The following REV3L variants were observed in gnomAD, a reference collection of about 807,000 sequenced individuals.
The protein encoded by REV3L is REV3 like, DNA directed polymerase zeta catalytic subunit.
A neutral mutation model predicts 299.4 loss-of-function variants in REV3L; 69 were observed. The observed-to-expected ratio is 0.23, with a 90% CI of 0.19 to 0.28. The LOEUF is 0.28. Among genes scored for constraint, REV3L ranks in the 10% least tolerant of loss-of-function variants. The pLI, the probability that REV3L is intolerant of heterozygous loss-of-function variation, is 1.00. For missense variants in REV3L, 3,128 were observed against 3,693.8 expected, an observed-to-expected ratio of 0.85 and a Z score of 3.97; for synonymous variants, 1,238 against 1,271.4, an observed-to-expected ratio of 0.97 and a Z score of 0.56.
At chr6:111,379,667 C>A (rs193208115) in intron 11 of REV3L, among the ~76,000 whole-genome samples, 1 of 152,182 alleles carries the variant, frequency 6.6e-6, no homozygotes, top group Non-Finnish European at 1.5e-5. Context: ...TATCACAGGG[C>A]ATTCTTTTTC....
At chr6:111,470,166 A>C (rs1478716844) in intron 1 of REV3L, among the ~76,000 whole-genome samples, 1 of 146,070 alleles carries the variant, frequency 6.8e-6, no homozygotes, top group Non-Finnish European at 1.5e-5. Context: ...ACCAGGGTTT[A>C]CTATCTCTCA....
In REV3L at chr6:111,375,685, G is replaced by C; in HGVS notation, c.2670C>G (p.Pro890=). The part of the protein sequence containing the change: ...TTRGAFENKT[P]TDGFIDCHFG... ...AGTGACAGTCTATAAAACCATCTGT[G>C]GGTGTTTTATTTTCAAAAGCTCCAC... The change falls in exon 13 of 32, where the codon CCC becomes CCG. Residue 890 remains proline (P), a synonymous_variant. Coordinates refer to ENST00000368802, the MANE Select transcript of REV3L (RefSeq NM_001372078.1). 1 of 1,613,884 alleles carries C rather than the reference G, an allele frequency of 6.2e-7. No individual in the cohort carries two copies. The highest frequency in any genetic ancestry group is 1.3e-5 in the African/African-American group (1 of 75,020).
In REV3L at chr6:111,299,070, CATT is replaced by C. The variant is rs1452197539; in HGVS notation, c.*943_*945del. 1 of 152,154 alleles carries C rather than the reference CATT, an allele frequency of 6.6e-6. No individual in the cohort carries two copies. The highest frequency in any genetic ancestry group is 1.5e-5 in the Non-Finnish European group (1 of 67,934). The allele number at this position is 152,154 out of a possible 1,614,324, so 9.4% of individuals were successfully genotyped here. ...TTTTATTCAATTTTAATATGGTTTC[CATT>C]ATTAACTTTTAAAACAAAATGATTT... On this transcript the variant is annotated 3_prime_UTR_variant, in exon 32 of 32. Transcript: ENST00000368802.
intron 31 of REV3L, among the ~76,000 whole-genome samples, chr6:111,302,484 T>A (rs1771680722): frequency 1.3e-5 from 2 of 152,232 alleles, no homozygotes; most frequent in South Asian, 4.1e-4. Context: ...TGATTCAGGC[T>A]TACATTTAAA....
chr6:111,448,900 C>T (rs929891466), intron 1 of REV3L, among the ~76,000 whole-genome samples: 3 of 148,212 alleles, frequency 2.0e-5, no homozygotes, highest in Non-Finnish European at 3.0e-5. Flanking sequence ...TTGCCTCAAG[C>T]AATCTTCCTG....
chr6:111,399,800 A>C (rs1055740073), intron 4 of REV3L, among the ~76,000 whole-genome samples: 9 of 152,202 alleles, frequency 5.9e-5, no homozygotes, highest in African/African-American at 2.2e-4. Flanking sequence ...CACTTGGTTA[A>C]GGTACATCAC....
chr6:111,467,830 G>A (rs1375564917), intron 1 of REV3L, among the ~76,000 whole-genome samples: 1 of 152,150 alleles, frequency 6.6e-6, no homozygotes, highest in African/African-American at 2.4e-5. Context: ...GATACTAAGG[G>A]ATGGATACAG....
At chr6:111,324,282 G>A (rs1271659437) in intron 25 of REV3L, among the ~76,000 whole-genome samples, 1 of 152,194 alleles carries the variant, frequency 6.6e-6, no homozygotes, top group Non-Finnish European at 1.5e-5. Flanking sequence ...ACAGGTGTAA[G>A]CCACCATGCC....
At position 111,483,204 on chromosome 6, in the gene REV3L, T is replaced by C. The variant is rs1441963321; in HGVS notation, c.-316A>G. Reference sequence around the variant, plus strand: ...TCCCAGGCTGCAGCTCTTGTTGCCATGATGATGATGTCACGGACGCAACCA... The same window carrying C: ...TCCCAGGCTGCAGCTCTTGTTGCCACGATGATGATGTCACGGACGCAACCA... On this transcript the variant is annotated 5_prime_UTR_variant, in exon 1 of 32. It removes an upstream start codon present in the reference 5' UTR. Coordinates refer to ENST00000368802, the MANE Select transcript of REV3L (RefSeq NM_001372078.1). The C allele has an allele frequency of 4.4e-6, 2 of 458,150 alleles. No homozygotes were observed. Among genetic ancestry groups the C allele is most frequent in the East Asian group, 3.8e-5 (1 of 26,546 alleles). 28.4% of individuals were successfully genotyped at this position (458,150 alleles called of 1,614,324 possible).
At chr6:111,451,100 G>C (rs1424465613) in intron 1 of REV3L, among the ~76,000 whole-genome samples, 1 of 152,200 alleles carries the variant, frequency 6.6e-6, no homozygotes, top group Non-Finnish European at 1.5e-5. Flanking sequence ...CTGGGTGTTA[G>C]TTAAGTTCTA....
chr6:111,404,039 AT>A (rs1783364942), intron 4 of REV3L, among the ~76,000 whole-genome samples: 1 of 152,238 alleles, frequency 6.6e-6, no homozygotes, highest in Non-Finnish European at 1.5e-5. Context: ...GATACACTAA[AT>A]AACAGATTTG....
At chr6:111,301,359 C>T (rs1771502934) in intron 31 of REV3L, among the ~76,000 whole-genome samples, 1 of 152,080 alleles carries the variant, frequency 6.6e-6, no homozygotes, top group Non-Finnish European at 1.5e-5. Context: ...TATTTTACTG[C>T]CTTTGAAGCA....
chr6:111,330,668 T>C (rs1014910426), intron 24 of REV3L, among the ~76,000 whole-genome samples: 2 of 152,172 alleles, frequency 1.3e-5, no homozygotes, highest in African/African-American at 2.4e-5. Context: ...TCTAATTCAT[T>C]TGGTGTACAT....
intron 26 of REV3L, chr6:111,315,786 A>G (rs1773453549): frequency 5.5e-6 from 1 of 181,968 alleles, no homozygotes; most frequent in Non-Finnish European, 1.2e-5. Flanking sequence ...AGGAGCATGA[A>G]CCCTATTGTG....
chr6:111,436,564 G>A (rs1037080154), intron 1 of REV3L, among the ~76,000 whole-genome samples: 1 of 152,120 alleles, frequency 6.6e-6, no homozygotes, highest in African/African-American at 2.4e-5. Context: ...TCATTCATAT[G>A]TGGGAGCTAA....
chr6:111,410,742 T>C (rs937238941), intron 3 of REV3L, among the ~76,000 whole-genome samples: 1 of 152,182 alleles, frequency 6.6e-6, no homozygotes, highest in Non-Finnish European at 1.5e-5. Context: ...CCCCCTGTAG[T>C]GCTTTAATTC....
At chr6:111,395,062 C>G (rs1782351129) in intron 4 of REV3L, among the ~76,000 whole-genome samples, 1 of 151,940 alleles carries the variant, frequency 6.6e-6, no homozygotes, top group Admixed American at 6.6e-5. Flanking sequence ...TTTTGCTCAG[C>G]CTGTGTGTCC....
At position 111,309,780 on chromosome 6, in the gene REV3L, C is replaced by T; in HGVS notation, c.9042+73G>A. ...ACTCCCATATCAATAGCACATAAAA[C>T]CTTTAGTTCTACTGAAAATTTGGAG... On this transcript the variant is annotated intron_variant, in intron 30 of 31. Transcript: ENST00000368802. 3 of 1,530,440 alleles carry T rather than the reference C, an allele frequency of 2.0e-6. No homozygotes were observed. The South Asian group carries it at 3.8e-5, about 19-fold the overall frequency. 94.8% of individuals were successfully genotyped at this position (1,530,440 alleles called of 1,614,324 possible). A position where few individuals can be genotyped will look rare whatever the true frequency, so the allele number is the denominator to read the frequency against.
At chr6:111,419,668 T>C (rs911803613) in intron 1 of REV3L, among the ~76,000 whole-genome samples, 2 of 152,206 alleles carry the variant, frequency 1.3e-5, no homozygotes, top group Non-Finnish European at 1.5e-5. Context: ...TAGCTGGTAC[T>C]AGAAACCCAG....
Sources: gnomAD v4.1 joint callset for allele counts (sites outside exome capture counted in the v4.1 genomes callset) on GRCh38, gnomAD v4.1.1 for gene constraint, MANE v1.5 for transcripts, NCBI Gene and HGNC (gene_info 2026-07-23, HGNC 2026-07-21) for gene names.